Variants in ZC3H11A observed in about 807,000 individuals in gnomAD.
ZC3H11A encodes zinc finger CCCH-type containing 11A.
A neutral mutation model predicts 90.8 loss-of-function variants in ZC3H11A; 22 were observed. The ratio of observed to expected loss-of-function variants is 0.24; its 90% CI spans 0.17 to 0.35. The LOEUF is 0.35. Among genes scored for constraint, ZC3H11A ranks in the 10% least tolerant of loss-of-function variants. The pLI, the probability that ZC3H11A is intolerant of heterozygous loss-of-function variation, is 1.00. For synonymous variants in ZC3H11A, 294 were observed against 339.8 expected, an observed-to-expected ratio of 0.87 and a Z score of 1.48; for missense variants, 701 against 964.9, an observed-to-expected ratio of 0.73 and a Z score of 3.62.
In ZC3H11A at chr1:203,848,468, T is replaced by A. The variant is rs142717570; in HGVS notation, c.1623+61T>A. 4.7e-4 allele frequency: 602 copies of A among 1,283,042 alleles called. 1 individual carries two copies. The African/African-American group carries it at 8.0e-3, about 17-fold the overall frequency. The allele number at this position is 1,283,042 out of a possible 1,614,324, so 79.5% of individuals were successfully genotyped here. A position where few individuals can be genotyped will look rare whatever the true frequency, so the allele number is the denominator to read the frequency against. ...CAAACAAAGGCTAGATAATTGGTAG[T>A]TTTACCTTACAATAAATTTCTAAGT... On this transcript the variant is annotated intron_variant, in intron 14 of 17. Transcript: ENST00000367210.
rs1466416632 is a variant in ZC3H11A at position 203,837,963 on chromosome 1, T to C, written c.875-3T>C. ...TCTTAAACTAAGTTCTCCCTCTTTA[T>C]AGGCGGTGACAGTGATCCTCCATTA... On this transcript the variant is annotated splice_polypyrimidine_tract_variant and splice_region_variant and intron_variant, in intron 10 of 17. Transcript: ENST00000367210. The C allele has an allele frequency of 2.5e-6, 4 of 1,607,712 alleles. No individual in the cohort carries two copies. The highest frequency in any genetic ancestry group is 3.5e-5 in the Admixed American group (2 of 57,962).
chr1:203,808,405 T>C (rs758397181), intron 2 of ZC3H11A, among the ~76,000 whole-genome samples: 4 of 152,254 alleles, frequency 2.6e-5, no homozygotes, highest in Non-Finnish European at 5.9e-5. Context: ...AATTTTACCA[T>C]GTCTGTGTAT....
chr1:203,843,830 AT>A (rs939578290), intron 12 of ZC3H11A, among the ~76,000 whole-genome samples: 1 of 148,234 alleles, frequency 6.7e-6, no homozygotes, highest in Non-Finnish European at 1.5e-5. Context: ...TTGTTCTCTT[AT>A]TTTTTTTTCT....
At chr1:203,842,354 C>T (rs528419548) in intron 12 of ZC3H11A, among the ~76,000 whole-genome samples, 90 of 152,266 alleles carry the variant, frequency 5.9e-4, no homozygotes, top group Middle Eastern at 3.4e-3. Context: ...CCCGGCACCT[C>T]GGGAGGCTGA....
chr1:203,850,583 C>T lies in ZC3H11A; in HGVS notation c.2008C>T (p.Arg670Cys), dbSNP rs1689019646. 2.5e-6 allele frequency: 4 copies of T among 1,614,034 alleles called. No homozygotes were observed. The highest frequency in any genetic ancestry group is 1.7e-4 in the Middle Eastern group (1 of 6,058). Residue 670 changes from arginine (R) to cysteine (C), a missense_variant, in exon 16 of 18, where the codon CGT becomes TGT. Physicochemically the swap from Arg to Cys is radical, Grantham distance 180. Around this residue, in one of 4 missense-constraint regions of ZC3H11A, gnomAD observed 530 missense variants for 696.2 expected, o/e 0.76. Coordinates refer to ENST00000367210, the MANE Select transcript of ZC3H11A (RefSeq NM_001376342.1). The stretch of plus-strand genomic sequence containing the variant: ...GTCATCCCCCAAATTGGCCCCAAAA[C>T]GTAAGGCAGTGGAGATGCACGCTGC... Reference protein sequence around the residue: ...VVSSPKLAPKRKAVEMHAAVI... With the variant: ...VVSSPKLAPKCKAVEMHAAVI...
intron 2 of ZC3H11A, chr1:203,806,264 C>T (rs933720096): frequency 2.5e-5 from 8 of 314,708 alleles, no homozygotes; most frequent in African/African-American, 6.7e-5. Context: ...ATCAGTTTAT[C>T]TTGAGTGGCT....
Position 203,820,335 on chromosome 1 carries a change from G to A in ZC3H11A, c.174+1646G>A, listed in dbSNP as rs186120323. ...GAGCAGTTGCTCAGTCCTGCCTTGC[G>A]TTTCATTGCCCTTAACACTTATGGT... On this transcript the variant is annotated intron_variant, in intron 4 of 17. Coordinates refer to ENST00000367210, the MANE Select transcript of ZC3H11A (RefSeq NM_001376342.1). 5.6e-4 allele frequency among the ~76,000 whole-genome samples: 85 copies of A among 152,014 alleles called. 2 individuals carry two copies. Among genetic ancestry groups the A allele is most frequent in the Admixed American group, 2.8e-3 (43 of 15,264 alleles).
chr1:203,824,747 T>G (rs1166296190), intron 4 of ZC3H11A, among the ~76,000 whole-genome samples: 1 of 152,130 alleles, frequency 6.6e-6, no homozygotes, highest in Non-Finnish European at 1.5e-5. Flanking sequence ...TTTGTAGTGT[T>G]GCTGAGTAGA....
chr1:203,801,361 T>C (rs1231462467), intron 1 of ZC3H11A: 1 of 152,190 alleles, frequency 6.6e-6, no homozygotes, highest in African/African-American at 2.4e-5. Flanking sequence ...CACTGAATTC[T>C]TAATGAAAAC....
chr1:203,847,828 C>T (rs898563848), intron 13 of ZC3H11A, 141 bp downstream of exon 13: 12 of 1,259,072 alleles, frequency 9.5e-6, no homozygotes, highest in Middle Eastern at 2.1e-4. Flanking sequence ...TGAAGTTTTT[C>T]AGTAGTGCTA....
chr1:203,811,890 A>C (rs1674611331), intron 2 of ZC3H11A, among the ~76,000 whole-genome samples: 1 of 149,314 alleles, frequency 6.7e-6, no homozygotes, highest in Non-Finnish European at 1.5e-5. Flanking sequence ...ATCTTGGTTC[A>C]CTGCAACCTC....
rs1475420282 is a variant in ZC3H11A, at chr1:203,852,958, A to G, written c.*559A>G. On this transcript the variant is annotated 3_prime_UTR_variant, in exon 18 of 18. Coordinates refer to ENST00000367210, the MANE Select transcript of ZC3H11A (RefSeq NM_001376342.1). Reference sequence around the variant, plus strand: ...GGCTGAGCAGCTCAGGAAGCCTGTAATGTGGGCATAACTCTTTGGACCTGA... The same window carrying G: ...GGCTGAGCAGCTCAGGAAGCCTGTAGTGTGGGCATAACTCTTTGGACCTGA... 6.4e-6 allele frequency: 1 copy of G among 156,524 alleles called. No homozygotes were observed. The highest frequency in any genetic ancestry group is 1.9e-4 in the East Asian group (1 of 5,262). The allele number at this position is 156,524 out of a possible 1,614,324, so 9.7% of individuals were successfully genotyped here. A position where few individuals can be genotyped will look rare whatever the true frequency, so the allele number is the denominator to read the frequency against.
chr1:203,833,660 T>C (rs1270627573), intron 9 of ZC3H11A, 131 bp from the exon 10 acceptor site: 2 of 536,764 alleles, frequency 3.7e-6, no homozygotes, highest in Admixed American at 7.5e-5. Context: ...TCCTTAAGAC[T>C]GAGACCTGAT....
At chr1:203,822,714 T>G (rs2102899644) in intron 4 of ZC3H11A, among the ~76,000 whole-genome samples, 1 of 152,282 alleles carries the variant, frequency 6.6e-6, no homozygotes, top group Admixed American at 6.5e-5. Flanking sequence ...GGGTACCCTT[T>G]CATGCACATG....
intron 12 of ZC3H11A, among the ~76,000 whole-genome samples, chr1:203,842,335 G>A (rs1322071253): frequency 1.3e-5 from 2 of 152,204 alleles, no homozygotes; most frequent in South Asian, 2.1e-4. Flanking sequence ...GCGAGACTCC[G>A]TCTGCAATCC....
chr1:203,804,693 A>G (rs1357126975), intron 2 of ZC3H11A, among the ~76,000 whole-genome samples: 1 of 125,234 alleles, frequency 8.0e-6, no homozygotes, highest in Non-Finnish European at 1.7e-5. Flanking sequence ...TTTTTTTGAT[A>G]TGGAGTATTG....
rs190779578 is a variant in ZC3H11A, at chr1:203,843,847, C to T, written c.1043-3337C>T. Among the ~76,000 whole-genome samples the T allele has an allele frequency of 2.7e-3, 408 of 150,700 alleles. 2 individuals carry two copies. Among genetic ancestry groups the T allele is most frequent in the Non-Finnish European group, 4.6e-3 (311 of 67,580 alleles). On this transcript the variant is annotated intron_variant, in intron 12 of 17. Transcript: ENST00000367210. ...GTTCTCTTATTTTTTTTTCTTTATT[C>T]TCGGCCTGGGATTTCTTCTTTTTTT...
intron 2 of ZC3H11A, among the ~76,000 whole-genome samples, chr1:203,809,600 G>C (rs1246997250): frequency 1.3e-5 from 2 of 152,134 alleles, no homozygotes. Flanking sequence ...AGAGTGGGTT[G>C]AGAAAGGTCC....
At chr1:203,838,367 C>T (rs2103179538) in intron 11 of ZC3H11A, among the ~76,000 whole-genome samples, 1 of 152,272 alleles carries the variant, frequency 6.6e-6, no homozygotes, top group East Asian at 1.9e-4. Flanking sequence ...ATAGGAGAGG[C>T]ATCTATTATT....
Sources: allele counts gnomAD v4.1 joint callset (sites outside exome capture counted in the v4.1 genomes callset), GRCh38; gene constraint gnomAD v4.1.1; regional missense constraint gnomAD v4.1.1; transcripts MANE v1.5; gene names NCBI Gene and HGNC (gene_info 2026-07-23, HGNC 2026-07-21).